The following DNASE2B variants were observed in gnomAD, a reference collection of about 807,000 sequenced individuals.
DNASE2B encodes the protein deoxyribonuclease 2 beta.
In DNASE2B, 43 loss-of-function variants were observed where a neutral mutation model predicts 46.0. That is an observed-to-expected ratio of 0.94 (90% CI 0.73 to 1.21). DNASE2B has a LOEUF of 1.21. Among genes scored for constraint, DNASE2B ranks in the 50% most tolerant of loss-of-function variants. The pLI is 0.00. For synonymous variants in DNASE2B, 156 were observed against 152.5 expected (o/e 1.02, Z -0.17); for missense variants, 395 against 414.4 (o/e 0.95, Z 0.41).
Position 84,400,700 on chromosome 1 carries a change from TG to T in DNASE2B, c.126-1199del, listed in dbSNP as rs772718639. Among the ~76,000 whole-genome samples, 5 of 152,358 alleles carry T rather than the reference TG, an allele frequency of 3.3e-5. No homozygotes were observed. The East Asian group carries it at 9.6e-4, about 29-fold the overall frequency. On this transcript the variant is annotated intron_variant, in intron 1 of 5. Coordinates refer to ENST00000370665, the MANE Select transcript of DNASE2B (RefSeq NM_021233.3). ...CACTGATAGTTCACAAACCCTTCAC[TG>T]GTGGGCCACCAAATTGTGATTGATA... is the stretch of plus-strand genomic sequence containing the variant.
Position 84,414,526 on chromosome 1 carries a change from A to G in DNASE2B, c.746-2A>G. 3 of 1,601,656 alleles carry G rather than the reference A, an allele frequency of 1.9e-6. No individual in the cohort carries two copies. The highest frequency in any genetic ancestry group is 2.6e-6 in the Non-Finnish European group (3 of 1,174,180). On this transcript the variant is annotated splice_acceptor_variant, in intron 5 of 5. Transcript: ENST00000370665. LOFTEE classifies it high-confidence loss of function. Reference sequence around the variant, plus strand: ...CACTATCTTTCTCCTCCTAAACCCTAGACATCTTTGCAGCCTGGATGGCTC... The same window carrying G: ...CACTATCTTTCTCCTCCTAAACCCTGGACATCTTTGCAGCCTGGATGGCTC...
At chr1:84,399,120 G>A (rs981031055) in intron 1 of DNASE2B, among the ~76,000 whole-genome samples, 3 of 152,224 alleles carry the variant, frequency 2.0e-5, no homozygotes, top group African/African-American at 7.2e-5. Flanking sequence ...AAGAGAAGGG[G>A]GACCTGGTCA....
intron 2 of DNASE2B, among the ~76,000 whole-genome samples, chr1:84,403,479 C>CA (rs1680453627): frequency 6.6e-6 from 1 of 151,200 alleles, no homozygotes; most frequent in African/African-American, 2.4e-5. Context: ...AATGGATCAT[C>CA]ATAAGTGTCT....
At chr1:84,409,674 T>C (rs544456700) in intron 3 of DNASE2B, among the ~76,000 whole-genome samples, 2 of 152,294 alleles carry the variant, frequency 1.3e-5, no homozygotes, top group African/African-American at 4.8e-5. Flanking sequence ...CATGCTACAT[T>C]CTTCAACCTC....
chr1:84,414,432 C>G (rs1680656535), intron 5 of DNASE2B, 96 bp from the exon 6 acceptor site: 4 of 1,047,838 alleles, frequency 3.8e-6, no homozygotes. Context: ...ATCCACATAT[C>G]AGGGGTGAAA....
chr1:84,410,634 T>A (rs949871782), intron 3 of DNASE2B, among the ~76,000 whole-genome samples: 2 of 152,220 alleles, frequency 1.3e-5, no homozygotes, highest in Admixed American at 6.5e-5. Context: ...CTTTTCGTGG[T>A]GGCTTTTTAT....
chr1:84,398,826 A>G lies in DNASE2B; in HGVS notation c.125+137A>G. 2.2e-6 allele frequency: 3 copies of G among 1,351,310 alleles called. No homozygotes were observed. The South Asian group carries it at 4.6e-5, about 21-fold the overall frequency. 83.7% of individuals were successfully genotyped at this position (1,351,310 alleles called of 1,614,324 possible). On this transcript the variant is annotated intron_variant, in intron 1 of 5. Transcript: ENST00000370665. The stretch of plus-strand genomic sequence containing the variant: ...AAATAAAGGAAGTTAAAGTGTGCAA[A>G]TCGGCCAAACTCCCAGGCAGGGGTA...
intron 2 of DNASE2B, among the ~76,000 whole-genome samples, chr1:84,403,796 T>C (rs1680457247): frequency 6.6e-6 from 1 of 151,944 alleles, no homozygotes; most frequent in African/African-American, 2.4e-5. Context: ...TCTTTATATT[T>C]TTTTCTTTTG....
intron 2 of DNASE2B, among the ~76,000 whole-genome samples, chr1:84,403,557 T>C (rs537763137): frequency 2.8e-4 from 43 of 151,518 alleles, no homozygotes; most frequent in African/African-American, 1.0e-3. Context: ...GGTCTTGCTA[T>C]CTCGGGGGTG....
In DNASE2B at chr1:84,412,780, C is replaced by T. The variant is rs1329720879; in HGVS notation, c.745+234C>T. 2.0e-5 allele frequency among the ~76,000 whole-genome samples: 3 copies of T among 151,866 alleles called. No individual in the cohort carries two copies. The East Asian group carries it at 5.8e-4, about 30-fold the overall frequency. The stretch of plus-strand genomic sequence containing the variant: ...GGCCAGTGAAAACTCAGTCTCCATC[C>T]TCTGCTTGGCAAGGGGCCATAGCCA... On this transcript the variant is annotated intron_variant, in intron 5 of 5. Transcript: ENST00000370665.
rs564880800 is a variant in DNASE2B, at chr1:84,408,041, G to GA, written c.304-390dup. On this transcript the variant is annotated intron_variant, in intron 2 of 5. Transcript: ENST00000370665. ...CTGCACTGTGCCTATAATATCAATG[G>GA]AAAAAACCTCAGATGTAATCCTTGG... Among the ~76,000 whole-genome samples the GA allele has an allele frequency of 2.7e-4, 41 of 152,204 alleles. No homozygotes were observed. The East Asian group carries it at 6.4e-3, about 24-fold the overall frequency.
At position 84,412,209 on chromosome 1, in the gene DNASE2B, G is replaced by T. The variant is rs7533636; in HGVS notation, c.548-140G>T. ...TAGTTATTTAAACAAAAAGTTATTT[G>T]AAGGCTATTGGTTTAAAGAAAGAAA... On this transcript the variant is annotated intron_variant, in intron 4 of 5. Coordinates refer to ENST00000370665, the MANE Select transcript of DNASE2B (RefSeq NM_021233.3). 2,890 of 708,136 alleles carry T rather than the reference G, an allele frequency of 4.1e-3. 67 individuals carry two copies. In the African/African-American group the frequency reaches 0.047, roughly 11 times the overall value. 43.9% of individuals were successfully genotyped at this position (708,136 alleles called of 1,614,324 possible).
Position 84,414,697 on chromosome 1 carries a change from T to G in DNASE2B, c.915T>G (p.His305Gln), listed in dbSNP as rs3768250. Reference protein sequence around the residue: ...RHSYFSSYQDHAKWCISQKGT... With the variant: ...RHSYFSSYQDQAKWCISQKGT... ...CTTATTTCAGTTCTTATCAAGATCA[T>G]GCCAAGTGGTGTATTTCCCAAAAGG... Residue 305 changes from histidine (H) to glutamine (Q), a missense_variant, in exon 6 of 6, where the codon CAT (histidine) becomes CAG (glutamine). By Grantham distance (24) the His-to-Gln change is conservative (BLOSUM62 0). Transcript: ENST00000370665. 4 of 1,613,896 alleles carry G rather than the reference T, an allele frequency of 2.5e-6. No homozygotes were observed. Among genetic ancestry groups the G allele is most frequent in the Non-Finnish European group, 3.4e-6 (4 of 1,179,974 alleles).
chr1:84,407,274 C>T (rs1018980727), intron 2 of DNASE2B, among the ~76,000 whole-genome samples: 1 of 152,180 alleles, frequency 6.6e-6, no homozygotes, highest in Non-Finnish European at 1.5e-5. Context: ...CCCAAAGGCA[C>T]ACAAATGGCC....
chr1:84,413,403 T>G (rs369528032), intron 5 of DNASE2B, among the ~76,000 whole-genome samples: 1 of 152,188 alleles, frequency 6.6e-6, no homozygotes, highest in Admixed American at 6.5e-5. Context: ...GAATGCCTAC[T>G]ACTAGCCAAG....
chr1:84,401,386 A>G (rs1680399718), intron 1 of DNASE2B, among the ~76,000 whole-genome samples: 1 of 152,222 alleles, frequency 6.6e-6, no homozygotes, highest in Admixed American at 6.5e-5. Flanking sequence ...AGATATACAA[A>G]TGGAAAACAA....
Position 84,398,659 on chromosome 1 carries a change from G to A in DNASE2B, c.95G>A (p.Cys32Tyr), listed in dbSNP as rs760812642. The A allele has an allele frequency of 1.2e-6, 2 of 1,613,892 alleles. No individual in the cohort carries two copies. The highest frequency in any genetic ancestry group is 2.2e-5 in the South Asian group (2 of 91,080). Residue 32 changes from cysteine to tyrosine, a missense_variant, in exon 1 of 6, where the codon TGC (cysteine) becomes TAC (tyrosine). Cys to Tyr is a radical substitution (Grantham distance 194, BLOSUM62 -2). Coordinates refer to ENST00000370665, the MANE Select transcript of DNASE2B (RefSeq NM_021233.3). ...GTGCTGGGGGCAGCAACAATTTCAT[G>A]CAGAAATGAAGAAGGGAAAGCTGTG... ...FGVLGAATISCRNEEGKAVDW... is the reference protein window; with the variant it reads ...FGVLGAATISYRNEEGKAVDW...
chr1:84,399,760 G>T (rs1680374322), intron 1 of DNASE2B, among the ~76,000 whole-genome samples: 1 of 152,144 alleles, frequency 6.6e-6, no homozygotes, highest in African/African-American at 2.4e-5. Flanking sequence ...GAGAGGTGGG[G>T]ACAGCCAAGG....
At chr1:84,410,627 T>C (rs1680571107) in intron 3 of DNASE2B, among the ~76,000 whole-genome samples, 1 of 152,196 alleles carries the variant, frequency 6.6e-6, no homozygotes, top group Non-Finnish European at 1.5e-5. Context: ...TGGTTCCCTT[T>C]TCGTGGTGGC....
Sources: allele counts gnomAD v4.1 joint callset (sites outside exome capture counted in the v4.1 genomes callset), GRCh38; gene constraint gnomAD v4.1.1; transcripts MANE v1.5; gene names NCBI Gene and HGNC (gene_info 2026-07-23, HGNC 2026-07-21).